Variants in LRRTM4 observed in about 807,000 individuals in gnomAD.
LRRTM4 encodes the protein leucine rich repeat transmembrane neuronal 4.
LRRTM4 carries 25 observed loss-of-function variants against 47.6 expected under a neutral mutation model. The observed-to-expected ratio is 0.53, with a 90% CI of 0.38 to 0.73. LRRTM4 has a LOEUF of 0.73. LRRTM4 is among the 30% of genes least tolerant of loss of function. The pLI is 0.00. For synonymous variants in LRRTM4, 311 were observed against 269.5 expected (o/e 1.15, Z -1.51); for missense variants, 638 against 713.4 (o/e 0.89, Z 1.20).
At chr2:77,254,689 T>A (rs1343685301) in intron 3 of LRRTM4, among the ~76,000 whole-genome samples, 1 of 151,856 alleles carries the variant, frequency 6.6e-6, no homozygotes, top group Non-Finnish European at 1.5e-5. Context: ...AAGGGATAAA[T>A]GTTTTCTCTA....
intron 3 of LRRTM4, among the ~76,000 whole-genome samples, chr2:76,780,177 C>T (rs564274082): frequency 7.4e-4 from 112 of 152,296 alleles, no homozygotes; most frequent in Non-Finnish European, 1.2e-3. Flanking sequence ...CGACCTTTCT[C>T]TCTGGCTGCC....
intron 3 of LRRTM4, among the ~76,000 whole-genome samples, chr2:76,763,158 T>G (rs1341440865): frequency 6.6e-6 from 1 of 152,214 alleles, no homozygotes; most frequent in Non-Finnish European, 1.5e-5. Context: ...ACTAGGGAAT[T>G]TATTCTCCCC....
chr2:77,080,073 A>G (rs2103852946), intron 3 of LRRTM4, among the ~76,000 whole-genome samples: 1 of 152,264 alleles, frequency 6.6e-6, no homozygotes, highest in Admixed American at 6.5e-5. Flanking sequence ...TCTCAACAGG[A>G]CTTTAAAATT....
intron 3 of LRRTM4, among the ~76,000 whole-genome samples, chr2:77,198,579 A>C (rs1485703774): frequency 6.6e-6 from 1 of 152,192 alleles, no homozygotes. Flanking sequence ...TTGGAGATAA[A>C]GGAATGAAAG....
At chr2:77,505,938 T>C (rs559787014) in intron 3 of LRRTM4, among the ~76,000 whole-genome samples, 1 of 151,614 alleles carries the variant, frequency 6.6e-6, no homozygotes, top group Non-Finnish European at 1.5e-5. Context: ...ATACCAAATA[T>C]GTGTGTTCAG....
chr2:76,992,153 T>C (rs1469106800), intron 3 of LRRTM4, among the ~76,000 whole-genome samples: 2 of 151,774 alleles, frequency 1.3e-5, no homozygotes, highest in Admixed American at 6.6e-5. Flanking sequence ...ATAAGAGCTA[T>C]CTATGAAAAA....
Position 76,782,724 on chromosome 2 carries a change from C to G in LRRTM4, c.1552-33808G>C, listed in dbSNP as rs190826323. 2.0e-3 allele frequency among the ~76,000 whole-genome samples: 307 copies of G among 152,182 alleles called. 5 individuals are homozygous for G. In the South Asian group the frequency reaches 0.038, roughly 19 times the overall value. On this transcript the variant is annotated intron_variant, in intron 3 of 3. Coordinates refer to ENST00000409884, the MANE Select transcript of LRRTM4 (RefSeq NM_001134745.3). ...TTTGCATTTTCAAATCGTCACAAATCTCCAATTTTTCAACATATTTATTGA... is the reference window on the plus strand; with the variant it reads ...TTTGCATTTTCAAATCGTCACAAATGTCCAATTTTTCAACATATTTATTGA...
chr2:76,965,056 A>G (rs920215751), intron 3 of LRRTM4, among the ~76,000 whole-genome samples: 9 of 151,028 alleles, frequency 6.0e-5, no homozygotes, highest in Non-Finnish European at 1.2e-4. Context: ...TAACCTTCCA[A>G]CCTTCCAAAA....
chr2:76,957,619 T>C (rs578050222), intron 3 of LRRTM4, among the ~76,000 whole-genome samples: 93 of 151,896 alleles, frequency 6.1e-4, no homozygotes, highest in Non-Finnish European at 3.5e-4. Flanking sequence ...TTATCAAACT[T>C]GGATTATCAT....
chr2:77,289,243 A>G (rs1234339638), intron 3 of LRRTM4, among the ~76,000 whole-genome samples: 1 of 151,980 alleles, frequency 6.6e-6, no homozygotes, highest in Non-Finnish European at 1.5e-5. Context: ...TGTTACAACA[A>G]TATGTCCTAA....
At chr2:77,405,684 C>T (rs1035165566) in intron 3 of LRRTM4, among the ~76,000 whole-genome samples, 13 of 152,112 alleles carry the variant, frequency 8.5e-5, no homozygotes, top group South Asian at 2.1e-4. Flanking sequence ...AAAGTGTTGA[C>T]GACAGCTATA....
chr2:76,849,108 T>G (rs1309815288), intron 3 of LRRTM4, among the ~76,000 whole-genome samples: 1 of 152,088 alleles, frequency 6.6e-6, no homozygotes, highest in African/African-American at 2.4e-5. Context: ...GAAATAAGAT[T>G]TTTTTTCTGG....
chr2:76,918,099 A>G (rs1271046320), intron 3 of LRRTM4, among the ~76,000 whole-genome samples: 1 of 152,218 alleles, frequency 6.6e-6, no homozygotes, highest in South Asian at 2.1e-4. Context: ...AATAATTCAC[A>G]TATTATCTTT....
intron 3 of LRRTM4, among the ~76,000 whole-genome samples, chr2:77,504,042 G>T (rs1280373059): frequency 1.3e-5 from 2 of 151,594 alleles, no homozygotes; most frequent in East Asian, 3.9e-4. Context: ...TGAAAGGGAA[G>T]TATAATACAG....
chr2:76,958,346 TG>T (rs1675744809), intron 3 of LRRTM4, among the ~76,000 whole-genome samples: 1 of 151,752 alleles, frequency 6.6e-6, no homozygotes, highest in East Asian at 1.9e-4. Flanking sequence ...CATTGTGTAC[TG>T]ATGGATTTTC....
intron 3 of LRRTM4, among the ~76,000 whole-genome samples, chr2:77,295,196 A>T (rs1676936311): frequency 6.6e-6 from 1 of 152,022 alleles, no homozygotes; most frequent in Non-Finnish European, 1.5e-5. Flanking sequence ...AGCAAACATA[A>T]TTTCTTTTAT....
intron 3 of LRRTM4, among the ~76,000 whole-genome samples, chr2:77,119,448 G>C (rs1488598332): frequency 6.6e-6 from 1 of 151,762 alleles, no homozygotes; most frequent in Non-Finnish European, 1.5e-5. Context: ...TTTACTGAAG[G>C]TATCTAAGAG....
intron 3 of LRRTM4, among the ~76,000 whole-genome samples, chr2:76,869,033 A>C (rs1389538739): frequency 6.6e-6 from 1 of 152,118 alleles, no homozygotes; most frequent in East Asian, 1.9e-4. Flanking sequence ...TAAGGTGGCC[A>C]GGCGCGGTGG....
intron 3 of LRRTM4, among the ~76,000 whole-genome samples, chr2:77,390,912 A>C (rs1348628519): frequency 2.0e-5 from 3 of 151,772 alleles, no homozygotes; most frequent in Non-Finnish European, 2.9e-5. Flanking sequence ...AGAGAAATAA[A>C]AAGTTCAAAA....
Sources: allele counts gnomAD v4.1 joint callset (sites outside exome capture counted in the v4.1 genomes callset), GRCh38; gene constraint gnomAD v4.1.1; transcripts MANE v1.5; gene names NCBI Gene and HGNC (gene_info 2026-07-23, HGNC 2026-07-21).